MACROD2: variants seen among roughly 807,000 people sequenced by gnomAD.
MACROD2 encodes ADP-ribose glycohydrolase MACROD2.
A neutral mutation model predicts 70.4 loss-of-function variants in MACROD2; 36 were observed. The observed-to-expected ratio is 0.51, with a 90% confidence interval of 0.39 to 0.68. The LOEUF (loss-of-function observed/expected upper bound fraction) is 0.68, where lower values mean the gene tolerates loss of function less well. Among genes scored for constraint, MACROD2 ranks in the 30% least tolerant of loss-of-function variants. MACROD2 has a pLI of 0.00. For synonymous variants in MACROD2, 172 were observed against 178.8 expected, an observed-to-expected ratio of 0.96 and a Z score of 0.30; for missense variants, 496 against 538.4, an observed-to-expected ratio of 0.92 and a Z score of 0.78.
intron 5 of MACROD2, among the ~76,000 whole-genome samples, chr20:14,991,343 A>G (rs956888213): frequency 1.3e-5 from 2 of 152,114 alleles, no homozygotes; most frequent in Non-Finnish European, 2.9e-5. Flanking sequence ...ACAAATGCCT[A>G]GGTCTTGGGT....
At chr20:15,247,154 T>C (rs1455678927) in intron 6 of MACROD2, among the ~76,000 whole-genome samples, 1 of 152,232 alleles carries the variant, frequency 6.6e-6, no homozygotes, top group African/African-American at 2.4e-5. Flanking sequence ...CTAAGAACAC[T>C]GATTTGCACA....
chr20:15,538,637 A>G lies in MACROD2; in HGVS notation c.645+38790A>G, dbSNP rs568128689. Among the ~76,000 whole-genome samples the G allele has an allele frequency of 3.3e-5, 5 of 152,346 alleles. No homozygotes were observed. In the South Asian group the frequency reaches 1.0e-3, roughly 32 times the overall value. ...AGATACAGAGAAGTAGAGACTGAGAAGAGAGCAAGGCCCATTTAAAAATAT... is the reference window on the plus strand; with the variant it reads ...AGATACAGAGAAGTAGAGACTGAGAGGAGAGCAAGGCCCATTTAAAAATAT... On this transcript the variant is annotated intron_variant, in intron 8 of 17. Transcript: ENST00000684519.
At chr20:15,700,115 G>T (rs1049673656) in intron 8 of MACROD2, among the ~76,000 whole-genome samples, 34 of 152,170 alleles carry the variant, frequency 2.2e-4, no homozygotes, top group African/African-American at 8.2e-4. Context: ...GGTCTCTCGG[G>T]TCCTGCAGGA....
intron 8 of MACROD2, among the ~76,000 whole-genome samples, chr20:15,500,492 A>C (rs562320654): frequency 2.0e-5 from 3 of 152,308 alleles, no homozygotes; most frequent in Middle Eastern, 3.4e-3. Flanking sequence ...GTGGAGCGTT[A>C]AATTTCAGAG....
intron 8 of MACROD2, among the ~76,000 whole-genome samples, chr20:15,751,344 G>A (rs956227784): frequency 3.3e-5 from 5 of 151,924 alleles, no homozygotes; most frequent in Non-Finnish European, 5.9e-5. Context: ...CACAGTAAAA[G>A]TAACATTTTA....
At chr20:14,867,632 C>A (rs966351833) in intron 5 of MACROD2, among the ~76,000 whole-genome samples, 4 of 152,082 alleles carry the variant, frequency 2.6e-5, no homozygotes, top group African/African-American at 9.7e-5. Context: ...ATATTCATTT[C>A]TTGTTACTTC....
At chr20:15,157,664 C>T (rs1431418370) in intron 5 of MACROD2, among the ~76,000 whole-genome samples, 1 of 152,136 alleles carries the variant, frequency 6.6e-6, no homozygotes, top group African/African-American at 2.4e-5. Context: ...CCCTAATCCA[C>T]ACTTCATCCC....
At chr20:14,366,039 T>A (rs2083268794) in intron 3 of MACROD2, among the ~76,000 whole-genome samples, 1 of 152,212 alleles carries the variant, frequency 6.6e-6, no homozygotes, top group African/African-American at 2.4e-5. Flanking sequence ...ATCCTGTAGA[T>A]GTTCCATGTG....
At chr20:14,108,352 G>A (rs1330352235) in intron 3 of MACROD2, among the ~76,000 whole-genome samples, 1 of 151,524 alleles carries the variant, frequency 6.6e-6, no homozygotes, top group Non-Finnish European at 1.5e-5. Context: ...AGAAGGAAGA[G>A]ATCACAAAGC....
At chr20:15,540,682 C>T (rs1197432065) in intron 8 of MACROD2, among the ~76,000 whole-genome samples, 2 of 152,314 alleles carry the variant, frequency 1.3e-5, no homozygotes, top group African/African-American at 4.8e-5. Flanking sequence ...TGTACTGCCT[C>T]ACAGTACTGG....
intron 8 of MACROD2, among the ~76,000 whole-genome samples, chr20:15,714,912 C>T (rs1175206435): frequency 1.3e-5 from 2 of 151,670 alleles, no homozygotes; most frequent in Non-Finnish European, 2.9e-5. Context: ...GTTTAAAGTT[C>T]CCCAGTTTTT....
chr20:14,344,287 T>C (rs2083043223), intron 3 of MACROD2, among the ~76,000 whole-genome samples: 1 of 152,216 alleles, frequency 6.6e-6, no homozygotes, highest in South Asian at 2.1e-4. Flanking sequence ...TTGCCAGATT[T>C]TCGGGGATCA....
At chr20:15,067,070 A>T (rs2075582672) in intron 5 of MACROD2, among the ~76,000 whole-genome samples, 1 of 152,164 alleles carries the variant, frequency 6.6e-6, no homozygotes, top group African/African-American at 2.4e-5. Flanking sequence ...TTCACATTTT[A>T]TTTCCTATTT....
At chr20:15,489,600 C>G (rs2047202512) in intron 7 of MACROD2, among the ~76,000 whole-genome samples, 1 of 152,222 alleles carries the variant, frequency 6.6e-6, no homozygotes, top group Non-Finnish European at 1.5e-5. Context: ...GGTAGCACAT[C>G]TAATTCCATG....
At chr20:15,478,896 C>T (rs2047057616) in intron 7 of MACROD2, among the ~76,000 whole-genome samples, 1 of 152,186 alleles carries the variant, frequency 6.6e-6, no homozygotes, top group Non-Finnish European at 1.5e-5. Flanking sequence ...CAAAATGGCC[C>T]TGTCCTGCTG....
chr20:14,215,447 G>A (rs931969269), intron 3 of MACROD2, among the ~76,000 whole-genome samples: 4 of 151,370 alleles, frequency 2.6e-5, no homozygotes, highest in Non-Finnish European at 4.4e-5. Flanking sequence ...TTGCAATTGC[G>A]AATTGTGCTG....
intron 6 of MACROD2, among the ~76,000 whole-genome samples, chr20:15,380,972 A>G (rs1433235728): frequency 6.6e-6 from 1 of 152,198 alleles, no homozygotes; most frequent in African/African-American, 2.4e-5. Context: ...TCATTACTGT[A>G]AATGAAAATA....
intron 5 of MACROD2, among the ~76,000 whole-genome samples, chr20:15,071,828 T>C (rs2075621336): frequency 6.6e-6 from 1 of 152,166 alleles, no homozygotes; most frequent in South Asian, 2.1e-4. Context: ...CAGAACATAA[T>C]TTTTAGGCTC....
chr20:14,194,365 A>C (rs1489154948), intron 3 of MACROD2, among the ~76,000 whole-genome samples: 1 of 152,120 alleles, frequency 6.6e-6, no homozygotes, highest in Non-Finnish European at 1.5e-5. Flanking sequence ...ACCTGACTTG[A>C]AAATGATGGG....
Sources: gnomAD v4.1 joint callset for allele counts (sites outside exome capture counted in the v4.1 genomes callset) on GRCh38, gnomAD v4.1.1 for gene constraint, MANE v1.5 for transcripts, NCBI Gene and HGNC (gene_info 2026-07-23, HGNC 2026-07-21) for gene names.